The following SEMA4D variants were observed in gnomAD, a reference collection of about 807,000 sequenced individuals.
SEMA4D encodes semaphorin 4D.
SEMA4D carries 22 observed loss-of-function variants against 74.8 expected under a neutral mutation model. The ratio of observed to expected loss-of-function variants is 0.29; its 90% CI spans 0.21 to 0.42. The LOEUF (loss-of-function observed/expected upper bound fraction) is 0.42. SEMA4D is among the 10% of genes least tolerant of loss of function. SEMA4D has a pLI of 1.00. For synonymous variants in SEMA4D, 445 were observed against 463.7 expected (o/e 0.96, Z 0.52); for missense variants, 937 against 1,118.4 (o/e 0.84, Z 2.31).
chr9:89,375,675 T>C (rs1835691351), downstream of SEMA4D, among the ~76,000 whole-genome samples: 1 of 152,182 alleles, frequency 6.6e-6, no homozygotes, highest in Admixed American at 6.5e-5. Flanking sequence ...TACTGATCAG[T>C]CAGATGACAA....
chr9:89,392,610 T>C (rs372372758), intron 7 of SEMA4D, 74 bp from the exon 8 acceptor site: 6 of 896,786 alleles, frequency 6.7e-6, no homozygotes, highest in South Asian at 5.4e-5. Context: ...GGGACAAACA[T>C]TCAACACGGT....
chr9:89,470,407 G>A (rs1263549728), intron 1 of SEMA4D, among the ~76,000 whole-genome samples: 1 of 152,176 alleles, frequency 6.6e-6, no homozygotes, highest in Non-Finnish European at 1.5e-5. Context: ...TAGCCACTAG[G>A]AAATGCAATT....
chr9:89,436,800 T>C (rs1243043744), intron 2 of SEMA4D, among the ~76,000 whole-genome samples: 1 of 152,194 alleles, frequency 6.6e-6, no homozygotes, highest in Non-Finnish European at 1.5e-5. Flanking sequence ...GAGCAGCAGG[T>C]CGCCTGGCGA....
In SEMA4D at chr9:89,468,052, G is replaced by GA. The variant is rs538039641; in HGVS notation, c.-309-12100dup. Among the ~76,000 whole-genome samples, 8 of 152,268 alleles carry GA rather than the reference G, an allele frequency of 5.3e-5. No individual in the cohort carries two copies. The East Asian group carries it at 1.4e-3, about 26-fold the overall frequency. On this transcript the variant is annotated intron_variant, in intron 1 of 15. Coordinates refer to ENST00000422704, the MANE Select transcript of SEMA4D (RefSeq NM_001371194.2). ...AGAGAATCATTTGCGAGAAGACACC[G>GA]AAAGACTAGGGTAGTCGTGGTGTTA...
At chr9:89,421,457 T>A (rs1214013768) in intron 2 of SEMA4D, among the ~76,000 whole-genome samples, 3 of 152,150 alleles carry the variant, frequency 2.0e-5, no homozygotes, top group African/African-American at 7.2e-5. Context: ...AGAAGCTACA[T>A]CCAGAATCTC....
chr9:89,405,283 C>T, intron 3 of SEMA4D, 68 bp downstream of exon 3: 1 of 1,417,372 alleles, frequency 7.1e-7, no homozygotes. Flanking sequence ...CAGCCACCCA[C>T]CTCAGCATCC....
At chr9:89,402,631 T>C (rs1842453573) in intron 4 of SEMA4D, among the ~76,000 whole-genome samples, 1 of 151,340 alleles carries the variant, frequency 6.6e-6, no homozygotes, top group African/African-American at 2.4e-5. Flanking sequence ...GCTCATGGCA[T>C]AGCTGTCTCT....
chr9:89,429,979 G>T (rs1022172573), intron 2 of SEMA4D, among the ~76,000 whole-genome samples: 1 of 151,850 alleles, frequency 6.6e-6, no homozygotes, highest in Non-Finnish European at 1.5e-5. Context: ...TAAAAACTCT[G>T]TAACCCTAAA....
chr9:89,464,583 A>T (rs1240053979), intron 1 of SEMA4D, among the ~76,000 whole-genome samples: 1 of 152,214 alleles, frequency 6.6e-6, no homozygotes, highest in Non-Finnish European at 1.5e-5. Context: ...CTGCAAGATC[A>T]TGGGAACAAA....
Position 89,370,108 on chromosome 9 carries a change from A to AGT in SEMA4D, c.1883-6160_1883-6159dup, listed in dbSNP as rs772307049. 2.0e-4 allele frequency among the ~76,000 whole-genome samples: 30 copies of AGT among 149,186 alleles called. No homozygotes were observed. The East Asian group carries it at 2.4e-3, about 12-fold the overall frequency. ...TGGGGGTGGTTTTAGGTGTGTGTAC[A>AGT]GTGTGTGTGTGTGGTGTGTGTTGGT... On this transcript the variant is annotated intron_variant, in intron 16 of 18. Coordinates refer to the SEMA4D transcript ENST00000339861.
chr9:89,480,684 G>A (rs550248510), intron 1 of SEMA4D, among the ~76,000 whole-genome samples: 160 of 152,346 alleles, frequency 1.1e-3, no homozygotes, highest in Admixed American at 2.3e-3. Context: ...CATTGCCCGG[G>A]GCCAGAAGGG....
chr9:89,458,590 A>G (rs1431430707), intron 1 of SEMA4D, among the ~76,000 whole-genome samples: 1 of 152,074 alleles, frequency 6.6e-6, no homozygotes, highest in Non-Finnish European at 1.5e-5. Context: ...GCACACACGT[A>G]TACACCTATG....
In SEMA4D at chr9:89,437,618, G is replaced by A. The variant is rs371114014; in HGVS notation, c.-244+18270C>T. ...CAGTGACACGGGCACCTGCCCATGT[G>A]TGCCAGCGGCAAGGGGCACAGGTTC... On this transcript the variant is annotated intron_variant, in intron 2 of 15. Coordinates refer to ENST00000422704, the MANE Select transcript of SEMA4D (RefSeq NM_001371194.2). 2.0e-4 allele frequency among the ~76,000 whole-genome samples: 31 copies of A among 152,332 alleles called. No homozygotes were observed. The South Asian group carries it at 6.4e-3, about 32-fold the overall frequency.
intron 2 of SEMA4D, among the ~76,000 whole-genome samples, chr9:89,439,712 G>A (rs947017964): frequency 4.6e-5 from 7 of 152,114 alleles, no homozygotes; most frequent in Admixed American, 2.0e-4. Flanking sequence ...GCAGCTGGCC[G>A]GACCCCAGAG....
At chr9:89,363,145 C>G (rs192740047) in intron 18 of SEMA4D, among the ~76,000 whole-genome samples, 4 of 152,178 alleles carry the variant, frequency 2.6e-5, no homozygotes, top group Non-Finnish European at 5.9e-5. Flanking sequence ...TCGTGGGGGC[C>G]CATCTAACTA....
chr9:89,460,456 G>C (rs1039189931), intron 1 of SEMA4D, among the ~76,000 whole-genome samples: 1 of 152,210 alleles, frequency 6.6e-6, no homozygotes, highest in Non-Finnish European at 1.5e-5. Context: ...TTCTTACTAA[G>C]TCTGGATTTG....
intron 3 of SEMA4D, among the ~76,000 whole-genome samples, chr9:89,404,188 G>T (rs1166611404): frequency 6.6e-6 from 1 of 152,218 alleles, no homozygotes; most frequent in Non-Finnish European, 1.5e-5. Flanking sequence ...AGCAGGAAAG[G>T]AAAGTAGCTG....
rs150331246 is a variant in SEMA4D, at chr9:89,421,800, CGT to C, written c.-243-16103_-243-16102del. ...CACATGGTGTGTGACCGTGTGTGTG[CGT>C]GTGTGTGTGTGTGTGGGTGTGCACA... On this transcript the variant is annotated intron_variant, in intron 2 of 15. Transcript: ENST00000422704. Among the ~76,000 whole-genome samples, 426 of 149,658 alleles carry C rather than the reference CGT, an allele frequency of 2.8e-3. 3 individuals carry two copies. Among genetic ancestry groups the C allele is most frequent in the African/African-American group, 8.5e-3 (348 of 40,940 alleles).
chr9:89,403,794 T>C (rs1003188859), intron 3 of SEMA4D, among the ~76,000 whole-genome samples: 4 of 152,134 alleles, frequency 2.6e-5, no homozygotes, highest in Non-Finnish European at 5.9e-5. Flanking sequence ...CCAGGTGTGG[T>C]GGCGGGCGCC....
Sources: gnomAD v4.1 joint callset for allele counts (sites outside exome capture counted in the v4.1 genomes callset) on GRCh38, gnomAD v4.1.1 for gene constraint, MANE v1.5 for transcripts, NCBI Gene and HGNC (gene_info 2026-07-23, HGNC 2026-07-21) for gene names.